RGS7: variants seen among roughly 807,000 people sequenced by gnomAD.
RGS7 encodes regulator of G protein signaling 7.
In RGS7, 27 loss-of-function variants were observed where a neutral mutation model predicts 81.1. That is an observed-to-expected ratio of 0.33 (90% CI 0.25 to 0.46). RGS7 has a LOEUF of 0.46. Ranked by LOEUF, RGS7 falls within the 20% of genes least tolerant of loss-of-function variation. The pLI is 1.00. For synonymous variants in RGS7, 208 were observed against 207.7 expected (o/e 1.00, Z -0.01); for missense variants, 396 against 607.4 (o/e 0.65, Z 3.66).
intron 15 of RGS7, among the ~76,000 whole-genome samples, chr1:240,805,117 G>C (rs565912069): frequency 6.6e-6 from 1 of 152,152 alleles, no homozygotes. Flanking sequence ...GCTTATGCCT[G>C]TAATCCCAGC....
At chr1:241,105,983 T>C (rs2065069410) in intron 2 of RGS7, among the ~76,000 whole-genome samples, 1 of 152,178 alleles carries the variant, frequency 6.6e-6, no homozygotes, top group African/African-American at 2.4e-5. Flanking sequence ...ATGGGAGAAA[T>C]GATCACTGAA....
intron 3 of RGS7, among the ~76,000 whole-genome samples, chr1:241,020,781 C>A (rs2059497202): frequency 6.6e-6 from 1 of 152,140 alleles, no homozygotes; most frequent in African/African-American, 2.4e-5. Context: ...GTTTTAATTT[C>A]TTTGTCCAAT....
chr1:240,804,689 T>C (rs376698569), intron 15 of RGS7, among the ~76,000 whole-genome samples: 1 of 152,222 alleles, frequency 6.6e-6, no homozygotes, highest in African/African-American at 2.4e-5. Flanking sequence ...GCATTTTATC[T>C]TGGACTGAAA....
Position 240,813,628 on chromosome 1 carries a change from G to C in RGS7, c.946C>G (p.Leu316Val). ...WLSDDTTFWE[L>V]EASKEPSQQR... ...TAAAATGCCACCTACCTTGCCTCAA[G>C]TTCCCAGAAAGTGGTGTCATCGGAC... The change falls in exon 13 of 19, where the codon CTT becomes GTT. Residue 316 changes from leucine (L) to valine (V), a missense_variant. Transcript: ENST00000440928. 6.2e-7 allele frequency: 1 copy of C among 1,609,760 alleles called. No individual in the cohort carries two copies. The highest frequency in any genetic ancestry group is 8.5e-7 in the Non-Finnish European group (1 of 1,176,060).
intron 9 of RGS7, among the ~76,000 whole-genome samples, chr1:240,842,345 T>A (rs950743775): frequency 6.6e-6 from 1 of 151,488 alleles, no homozygotes; most frequent in African/African-American, 2.4e-5. Context: ...ATTACAGGCA[T>A]GCATCACCAT....
intron 10 of RGS7, among the ~76,000 whole-genome samples, chr1:240,816,901 T>C (rs1690891831): frequency 6.6e-6 from 1 of 152,214 alleles, no homozygotes; most frequent in Admixed American, 6.5e-5. Flanking sequence ...TTTCTGATGG[T>C]GCAATAGAAG....
intron 6 of RGS7, among the ~76,000 whole-genome samples, chr1:240,922,971 G>A (rs1004748441): frequency 6.6e-6 from 1 of 152,084 alleles, no homozygotes; most frequent in Non-Finnish European, 1.5e-5. Context: ...TCTTCAATGG[G>A]TGACTGGATA....
At chr1:240,781,398 G>C (rs1572047227) in intron 18 of RGS7, among the ~76,000 whole-genome samples, 3 of 151,736 alleles carry the variant, frequency 2.0e-5, no homozygotes, top group African/African-American at 7.2e-5. Flanking sequence ...CTGAGGTCAG[G>C]AGTTCGAGAC....
At chr1:240,910,385 T>C (rs1298589801) in intron 6 of RGS7, among the ~76,000 whole-genome samples, 2 of 152,056 alleles carry the variant, frequency 1.3e-5, no homozygotes, top group African/African-American at 4.8e-5. Flanking sequence ...AGCTAAAAAA[T>C]AGTTGATCTT....
At chr1:241,187,480 T>G (rs1027608646) in intron 2 of RGS7, among the ~76,000 whole-genome samples, 1 of 152,196 alleles carries the variant, frequency 6.6e-6, no homozygotes, top group Non-Finnish European at 1.5e-5. Flanking sequence ...TAAATATCAG[T>G]ATAAAAGTAT....
chr1:240,956,057 A>T (rs1342816005), intron 4 of RGS7, among the ~76,000 whole-genome samples: 3 of 152,202 alleles, frequency 2.0e-5, no homozygotes, highest in Non-Finnish European at 4.4e-5. Context: ...TAAAATTTAG[A>T]ATTACCAGTA....
At chr1:241,224,678 A>G (rs909394204) in intron 2 of RGS7, among the ~76,000 whole-genome samples, 2 of 152,182 alleles carry the variant, frequency 1.3e-5, no homozygotes, top group Admixed American at 6.6e-5. Flanking sequence ...AATATCACGA[A>G]GTACATATAG....
chr1:241,349,281 A>G (rs1382258866), intron 2 of RGS7, among the ~76,000 whole-genome samples: 1 of 152,198 alleles, frequency 6.6e-6, no homozygotes, highest in Non-Finnish European at 1.5e-5. Flanking sequence ...TGCTTCCTCC[A>G]TTTCCACCCA....
intron 6 of RGS7, among the ~76,000 whole-genome samples, chr1:240,890,554 A>C (rs1668130718): frequency 6.6e-6 from 1 of 152,096 alleles, no homozygotes; most frequent in South Asian, 2.1e-4. Flanking sequence ...AATAATGAAA[A>C]TAAATAATGC....
chr1:240,805,205 C>A (rs1572168470), intron 15 of RGS7, among the ~76,000 whole-genome samples: 1 of 139,348 alleles, frequency 7.2e-6, no homozygotes, highest in African/African-American at 2.5e-5. Flanking sequence ...GGAGACCCAC[C>A]CTGTCTCTAC....
At chr1:241,236,167 T>C (rs201821188) in intron 2 of RGS7, among the ~76,000 whole-genome samples, 18,239 of 77,574 alleles carry the variant, frequency 0.24, 1,596 homozygotes, top group African/African-American at 0.31. Context: ...AATGACGACC[T>C]CCGCCCCCCA....
chr1:241,342,694 C>T (rs10737860), intron 2 of RGS7, among the ~76,000 whole-genome samples: 115,758 of 152,150 alleles, frequency 0.76, 45,301 homozygotes, highest in South Asian at 0.85. Context: ...TCCTAAAGTG[C>T]GGACAATCCG....
chr1:241,207,196 C>T (rs12139582), intron 2 of RGS7, among the ~76,000 whole-genome samples: 29,886 of 150,214 alleles, frequency 0.2, 3,120 homozygotes, highest in Middle Eastern at 0.24. Context: ...CTCAATCTCC[C>T]GACCTCGTGA....
At chr1:241,090,944 T>C (rs543801350) in intron 3 of RGS7, among the ~76,000 whole-genome samples, 1 of 152,266 alleles carries the variant, frequency 6.6e-6, no homozygotes, top group South Asian at 2.1e-4. Context: ...CTTGTCATAA[T>C]GAAACAACAC....
Sources: gnomAD v4.1 joint callset for allele counts (sites outside exome capture counted in the v4.1 genomes callset) on GRCh38, gnomAD v4.1.1 for gene constraint, MANE v1.5 for transcripts, NCBI Gene and HGNC (gene_info 2026-07-23, HGNC 2026-07-21) for gene names.